The following ZFAND3 variants were observed in gnomAD, a reference collection of about 807,000 sequenced individuals.
ZFAND3 encodes the protein zinc finger AN1-type containing 3, also known as AN1-type zinc finger protein 3.
ZFAND3 carries 10 observed loss-of-function variants against 29.6 expected under a neutral mutation model. That is an observed-to-expected ratio of 0.34 (90% CI 0.21 to 0.57). The LOEUF (loss-of-function observed/expected upper bound fraction) is 0.57. Ranked by LOEUF, ZFAND3 falls within the 20% of genes least tolerant of loss-of-function variation. The pLI, the probability that ZFAND3 is intolerant of heterozygous loss-of-function variation, is 0.86. For synonymous variants in ZFAND3, 128 were observed against 112.6 expected (o/e 1.14, Z -0.87); for missense variants, 230 against 304.5 (o/e 0.76, Z 1.82).
chr6:37,999,571 G>A (rs1581826846), intron 2 of ZFAND3, among the ~76,000 whole-genome samples: 1 of 152,206 alleles, frequency 6.6e-6, no homozygotes. Context: ...AATGGCCTCT[G>A]TGATCTTCCT....
intron 3 of ZFAND3, among the ~76,000 whole-genome samples, chr6:38,080,944 C>T (rs531933647): frequency 5.3e-5 from 8 of 152,304 alleles, no homozygotes; most frequent in African/African-American, 1.9e-4. Flanking sequence ...TGAAATTACT[C>T]TGCTCTCTGG....
intron 4 of ZFAND3, among the ~76,000 whole-genome samples, chr6:38,090,978 TAAAGTC>T (rs1173769150): frequency 6.6e-6 from 1 of 152,184 alleles, no homozygotes; most frequent in Admixed American, 6.5e-5. Context: ...TTGCTATACT[TAAAGTC>T]AAAAACTTGT....
chr6:38,116,421 A>G (rs910064871), intron 4 of ZFAND3, 151 bp from the exon 5 acceptor site: 7 of 868,352 alleles, frequency 8.1e-6, no homozygotes, highest in Middle Eastern at 2.8e-4. Flanking sequence ...TTTGTGCAGT[A>G]TAAACCAAGC....
chr6:38,043,314 C>T (rs1313395763), intron 2 of ZFAND3, among the ~76,000 whole-genome samples: 1 of 151,174 alleles, frequency 6.6e-6, no homozygotes, highest in African/African-American at 2.4e-5. Flanking sequence ...TTGCTAATAC[C>T]ATTGACCTTG....
rs530212242 is a variant in ZFAND3, at chr6:38,116,394, G to A, written c.362-178G>A. ...AGCTTGTTAGAAGTCAGCACTAAAG[G>A]TACACGTTTGTCATAGTTTGTGCAG... On this transcript the variant is annotated intron_variant, in intron 4 of 5. Coordinates refer to ENST00000287218, the MANE Select transcript of ZFAND3 (RefSeq NM_021943.3). 5.3e-5 allele frequency among the ~76,000 whole-genome samples: 8 copies of A among 152,288 alleles called. No individual in the cohort carries two copies. In the South Asian group the frequency reaches 1.7e-3, roughly 32 times the overall value.
At chr6:38,094,064 T>C (rs949171620) in intron 4 of ZFAND3, among the ~76,000 whole-genome samples, 3 of 152,158 alleles carry the variant, frequency 2.0e-5, no homozygotes, top group Non-Finnish European at 4.4e-5. Flanking sequence ...ATTTTCTCAG[T>C]AAATGAGTAG....
At chr6:37,856,707 C>A (rs781776813) in intron 1 of ZFAND3, among the ~76,000 whole-genome samples, 1 of 152,128 alleles carries the variant, frequency 6.6e-6, no homozygotes, top group African/African-American at 2.4e-5. Flanking sequence ...ATACATATTT[C>A]TTATTTTTTA....
intron 1 of ZFAND3, among the ~76,000 whole-genome samples, chr6:37,829,588 A>C (rs182724395): frequency 6.6e-6 from 1 of 152,292 alleles, no homozygotes; most frequent in African/African-American, 2.4e-5. Flanking sequence ...TTGTATATTG[A>C]CCCACAAAAA....
At chr6:38,137,646 T>C (rs777739085) in intron 5 of ZFAND3, among the ~76,000 whole-genome samples, 19 of 151,930 alleles carry the variant, frequency 1.3e-4, no homozygotes, top group Non-Finnish European at 2.4e-4. Context: ...GCAGGAGATA[T>C]GATGTAATAA....
At chr6:37,925,329 G>A (rs1761463494) in intron 1 of ZFAND3, among the ~76,000 whole-genome samples, 1 of 152,134 alleles carries the variant, frequency 6.6e-6, no homozygotes, top group South Asian at 2.1e-4. Flanking sequence ...GGAATACATA[G>A]ATTTGAGATC....
intron 1 of ZFAND3, among the ~76,000 whole-genome samples, chr6:37,896,873 C>G (rs1461178026): frequency 6.6e-6 from 1 of 151,830 alleles, no homozygotes; most frequent in Non-Finnish European, 1.5e-5. Flanking sequence ...TTCTTCATTT[C>G]TAATGAAGTT....
intron 2 of ZFAND3, among the ~76,000 whole-genome samples, chr6:37,944,417 C>G (rs1234293862): frequency 6.6e-6 from 1 of 152,124 alleles, no homozygotes; most frequent in East Asian, 1.9e-4. Flanking sequence ...GTCCCTCTAT[C>G]AAGTAGCCTG....
chr6:37,880,291 A>G (rs185053696), intron 1 of ZFAND3, among the ~76,000 whole-genome samples: 48 of 152,322 alleles, frequency 3.2e-4, no homozygotes, highest in Non-Finnish European at 6.0e-4. Context: ...GCTTTATCCT[A>G]TTGTGTCAGC....
At chr6:38,123,579 C>T (rs1765574486) in intron 5 of ZFAND3, among the ~76,000 whole-genome samples, 1 of 152,142 alleles carries the variant, frequency 6.6e-6, no homozygotes, top group Non-Finnish European at 1.5e-5. Flanking sequence ...GAAATGTTAT[C>T]ATTATTGCCA....
chr6:37,934,895 C>G (rs1761670982), intron 2 of ZFAND3, among the ~76,000 whole-genome samples: 1 of 150,158 alleles, frequency 6.7e-6, no homozygotes, highest in Middle Eastern at 3.6e-3. Flanking sequence ...ACTATATTCT[C>G]TCCATTCCTG....
intron 5 of ZFAND3, among the ~76,000 whole-genome samples, chr6:38,132,249 C>T (rs1765756577): frequency 6.6e-6 from 1 of 152,166 alleles, no homozygotes; most frequent in Non-Finnish European, 1.5e-5. Flanking sequence ...CGGTGGCTCA[C>T]ACCTGTAATC....
intron 1 of ZFAND3, among the ~76,000 whole-genome samples, chr6:37,927,795 C>G (rs1197858625): frequency 6.6e-6 from 1 of 152,236 alleles, no homozygotes; most frequent in African/African-American, 2.4e-5. Flanking sequence ...TGGTTCTGGA[C>G]TGGTATATGC....
At chr6:38,110,011 G>A (rs972028438) in intron 4 of ZFAND3, among the ~76,000 whole-genome samples, 9 of 152,166 alleles carry the variant, frequency 5.9e-5, no homozygotes, top group Admixed American at 1.3e-4. Context: ...TGTGTTCCCA[G>A]GAGGAGAGGG....
chr6:37,823,592 A>G (rs924880619), intron 1 of ZFAND3, among the ~76,000 whole-genome samples: 1 of 152,156 alleles, frequency 6.6e-6, no homozygotes, highest in African/African-American at 2.4e-5. Context: ...GGAGTGTACA[A>G]TTCAAATGCG....
Sources: gnomAD v4.1 joint callset for allele counts (sites outside exome capture counted in the v4.1 genomes callset) on GRCh38, gnomAD v4.1.1 for gene constraint, MANE v1.5 for transcripts, NCBI Gene and HGNC (gene_info 2026-07-23, HGNC 2026-07-21) for gene names.